The following PPM1D variants were observed in gnomAD, a reference collection of about 807,000 sequenced individuals.
The protein encoded by PPM1D is protein phosphatase, Mg2+/Mn2+ dependent 1D.
PPM1D carries 52 observed loss-of-function variants against 58.3 expected under a neutral mutation model. That is an observed-to-expected ratio of 0.89 (90% CI 0.71 to 1.12). The LOEUF is 1.12. PPM1D is among the 50% of genes most tolerant of loss of function. The pLI is 0.00. For missense variants in PPM1D, 564 were observed against 777.2 expected, an observed-to-expected ratio of 0.73 and a Z score of 3.26; for synonymous variants, 278 against 285.1, an observed-to-expected ratio of 0.98 and a Z score of 0.25.
chr17:60,600,212 C>G lies in PPM1D; in HGVS notation c.-203C>G, dbSNP rs755254278. 4.0e-5 allele frequency: 42 copies of G among 1,052,180 alleles called. No individual in the cohort carries two copies. Among genetic ancestry groups the G allele is most frequent in the Non-Finnish European group, 5.3e-5 (40 of 758,944 alleles). 65.2% of individuals were successfully genotyped at this position (1,052,180 alleles called of 1,614,324 possible). A position where few individuals can be genotyped will look rare whatever the true frequency, so the allele number is the denominator to read the frequency against. On this transcript the variant is annotated 5_prime_UTR_variant, in exon 1 of 6. Coordinates refer to ENST00000305921, the MANE Select transcript of PPM1D (RefSeq NM_003620.4). ...AAGCGCAGTGCGCAGGCGCAACTGC[C>G]TGGCTCTGCTCGCTCCGGCGCTCCG...
chr17:60,640,577 A>C (rs1242938860), intron 3 of PPM1D, among the ~76,000 whole-genome samples: 13 of 152,146 alleles, frequency 8.5e-5, no homozygotes, highest in Non-Finnish European at 1.9e-4. Flanking sequence ...GTACATGTAC[A>C]GGTTTGTTAC....
Position 60,614,340 on chromosome 17 carries a change from C to G in PPM1D, c.473-9181C>G, listed in dbSNP as rs2030535450. On this transcript the variant is annotated intron_variant, in intron 1 of 5. Transcript: ENST00000305921. ...ACCAGTCAGCACTCTGTGTCTAGCT[C>G]AAGGTTTGTAAATGCACCAATCAGT... Among the ~76,000 whole-genome samples, 4 of 151,982 alleles carry G rather than the reference C, an allele frequency of 2.6e-5. No individual in the cohort carries two copies. The South Asian group carries it at 8.3e-4, about 31-fold the overall frequency.
rs2031602042 is a variant in PPM1D at position 60,665,510 on chromosome 17, C to G, written c.*1958C>G. ...GGTGTGAGCCACCGTGCCCAGCCAA[C>G]TATGCCATTATTTAACCATGTCCAC... On this transcript the variant is annotated 3_prime_UTR_variant, in exon 6 of 6. Coordinates refer to ENST00000305921, the MANE Select transcript of PPM1D (RefSeq NM_003620.4). 1 of 152,346 alleles carries G rather than the reference C, an allele frequency of 6.6e-6. No individual in the cohort carries two copies. Among genetic ancestry groups the G allele is most frequent in the South Asian group, 2.1e-4 (1 of 4,828 alleles). The allele number at this position is 152,346 out of a possible 1,614,324, so 9.4% of individuals were successfully genotyped here.
chr17:60,606,031 A>G (rs1359752479), intron 1 of PPM1D, among the ~76,000 whole-genome samples: 1 of 152,230 alleles, frequency 6.6e-6, no homozygotes, highest in Non-Finnish European at 1.5e-5. Flanking sequence ...ATCAGCCCAA[A>G]TAGAAACTCT....
At chr17:60,627,706 C>T (rs2030838134) in intron 2 of PPM1D, among the ~76,000 whole-genome samples, 1 of 152,096 alleles carries the variant, frequency 6.6e-6, no homozygotes, top group Non-Finnish European at 1.5e-5. Context: ...AGGTGTGAGC[C>T]AATTCGCCTG....
chr17:60,653,364 A>G (rs551754837), intron 4 of PPM1D, among the ~76,000 whole-genome samples: 2 of 152,056 alleles, frequency 1.3e-5, no homozygotes, highest in South Asian at 4.1e-4. Context: ...GGATTTATAC[A>G]TAGGTTTTCT....
At chr17:60,611,711 G>A (rs1304825588) in intron 1 of PPM1D, among the ~76,000 whole-genome samples, 1 of 152,120 alleles carries the variant, frequency 6.6e-6, no homozygotes, top group Non-Finnish European at 1.5e-5. Flanking sequence ...GAGCTGCCAC[G>A]CCTGGCCCAA....
intron 2 of PPM1D, among the ~76,000 whole-genome samples, chr17:60,628,233 A>G (rs1235429819): frequency 6.6e-6 from 1 of 152,190 alleles, no homozygotes; most frequent in Non-Finnish European, 1.5e-5. Flanking sequence ...ATTCACAGCA[A>G]AATTAAGTGG....
rs79189654 is a variant in PPM1D, at chr17:60,656,484, A to T, written c.1018-115A>T. 12,427 of 1,372,310 alleles carry T rather than the reference A, an allele frequency of 9.1e-3. 943 individuals are homozygous for T. In the African/African-American group the frequency reaches 0.16, roughly 18 times the overall value. The allele number at this position is 1,372,310 out of a possible 1,614,324, so 85.0% of individuals were successfully genotyped here. On this transcript the variant is annotated intron_variant, in intron 4 of 5. Coordinates refer to ENST00000305921, the MANE Select transcript of PPM1D (RefSeq NM_003620.4). Reference sequence around the variant, plus strand: ...AAAAAAAGAGAAAAGAAAAAAAAAAATTGGGAGCTTTGTTTGGGCCACAGC... The same window carrying T: ...AAAAAAAGAGAAAAGAAAAAAAAAATTTGGGAGCTTTGTTTGGGCCACAGC...
intron 3 of PPM1D, among the ~76,000 whole-genome samples, chr17:60,638,991 T>C (rs1042946277): frequency 6.6e-6 from 1 of 152,184 alleles, no homozygotes; most frequent in African/African-American, 2.4e-5. Context: ...GGGAGATAAT[T>C]TTTGAGTATA....
At chr17:60,652,894 T>A (rs1269071393) in intron 4 of PPM1D, among the ~76,000 whole-genome samples, 1 of 152,196 alleles carries the variant, frequency 6.6e-6, no homozygotes, top group Non-Finnish European at 1.5e-5. Flanking sequence ...TGATTTGAGC[T>A]CCTTACATGT....
At chr17:60,603,372 A>G (rs2030260705) in intron 1 of PPM1D, among the ~76,000 whole-genome samples, 2 of 152,212 alleles carry the variant, frequency 1.3e-5, no homozygotes. Flanking sequence ...GTTTATATAT[A>G]TATTTTAAAG....
At chr17:60,634,968 C>T (rs899210802) in intron 3 of PPM1D, among the ~76,000 whole-genome samples, 26 of 151,660 alleles carry the variant, frequency 1.7e-4, no homozygotes, top group Non-Finnish European at 7.4e-5. Context: ...TTTAAGGAGA[C>T]GGGGTCTCAC....
chr17:60,659,785 C>G (rs2081700311), intron 5 of PPM1D, among the ~76,000 whole-genome samples: 1 of 152,166 alleles, frequency 6.6e-6, no homozygotes, highest in Non-Finnish European at 1.5e-5. Flanking sequence ...TCTAAGAAGT[C>G]TAAACAGTTG....
chr17:60,600,218 C>T lies in PPM1D; in HGVS notation c.-197C>T, dbSNP rs939821583. ...AGTGCGCAGGCGCAACTGCCTGGCT[C>T]TGCTCGCTCCGGCGCTCCGGCCCAG... is the stretch of plus-strand genomic sequence containing the variant. On this transcript the variant is annotated 5_prime_UTR_variant, in exon 1 of 6. Transcript: ENST00000305921. The T allele has an allele frequency of 2.7e-6, 3 of 1,126,540 alleles. No homozygotes were observed. Among genetic ancestry groups the T allele is most frequent in the Admixed American group, 3.0e-5 (1 of 33,694 alleles). 69.8% of individuals were successfully genotyped at this position (1,126,540 alleles called of 1,614,324 possible). A position where few individuals can be genotyped will look rare whatever the true frequency, so the allele number is the denominator to read the frequency against.
At chr17:60,643,721 C>T (rs2031180848) in intron 3 of PPM1D, among the ~76,000 whole-genome samples, 1 of 152,082 alleles carries the variant, frequency 6.6e-6, no homozygotes, top group South Asian at 2.1e-4. Context: ...CACACTGTCT[C>T]TCCTCATGTG....
chr17:60,609,042 C>T (rs1019060152), intron 1 of PPM1D, among the ~76,000 whole-genome samples: 8 of 151,596 alleles, frequency 5.3e-5, no homozygotes, highest in Admixed American at 1.3e-4. Context: ...CCACCGCGCC[C>T]GGCCTTTATT....
Position 60,656,812 on chromosome 17 carries a change from C to T in PPM1D, c.1231C>T (p.Pro411Ser). Residue 411 changes from proline to serine, a missense_variant, in exon 5 of 6, where the codon CCT (proline) becomes TCT (serine). By Grantham distance (74) the Pro-to-Ser change is moderately conservative. Coordinates refer to ENST00000305921, the MANE Select transcript of PPM1D (RefSeq NM_003620.4). Reference protein sequence around the residue: ...YNSQETCVMTPSPCSTPPVKS... With the variant: ...YNSQETCVMTSSPCSTPPVKS... ...TAGTCAAGAAACCTGTGTGATGACT[C>T]CTTCCCCATGTTCTACACCACCAGT... is the stretch of plus-strand genomic sequence containing the variant. 1.9e-6 allele frequency: 3 copies of T among 1,614,144 alleles called. No homozygotes were observed. Among genetic ancestry groups the T allele is most frequent in the Non-Finnish European group, 2.5e-6 (3 of 1,180,004 alleles).
chr17:60,607,849 A>G (rs1289604449), intron 1 of PPM1D, among the ~76,000 whole-genome samples: 2 of 152,232 alleles, frequency 1.3e-5, no homozygotes, highest in Non-Finnish European at 2.9e-5. Flanking sequence ...TCATTTGTTA[A>G]CTTGGACTGA....
Sources: gnomAD v4.1 joint callset for allele counts (sites outside exome capture counted in the v4.1 genomes callset) on GRCh38, gnomAD v4.1.1 for gene constraint, MANE v1.5 for transcripts, NCBI Gene and HGNC (gene_info 2026-07-23, HGNC 2026-07-21) for gene names.